PRSS3: variants seen among roughly 807,000 people sequenced by gnomAD.
PRSS3 encodes trypsin-3.
In PRSS3, 14 loss-of-function variants were observed where a neutral mutation model predicts 20.8. The ratio of observed to expected loss-of-function variants is 0.67; its 90% CI spans 0.44 to 1.05. PRSS3 has a LOEUF of 1.05. PRSS3 is among the 50% of genes least tolerant of loss of function. The pLI is 0.00. For missense variants in PRSS3, 237 were observed against 306.4 expected (o/e 0.77, Z 1.69); for synonymous variants, 91 against 117.6 (o/e 0.77, Z 1.46).
chr9:33,760,510 G>A (rs914496178), intron 1 of PRSS3, among the ~76,000 whole-genome samples: 1 of 152,076 alleles, frequency 6.6e-6, no homozygotes, highest in African/African-American at 2.4e-5. Context: ...ACTTTGGGAG[G>A]CCGACGCTGG....
At chr9:33,771,416 A>G (rs1437273474) in intron 1 of PRSS3, among the ~76,000 whole-genome samples, 1 of 148,620 alleles carries the variant, frequency 6.7e-6, no homozygotes, top group African/African-American at 2.5e-5. Context: ...ACCTCTGCCT[A>G]CTGGGTTCAA....
intron 1 of PRSS3, among the ~76,000 whole-genome samples, chr9:33,771,296 G>A (rs185397596): frequency 6.3e-4 from 95 of 151,834 alleles, no homozygotes; most frequent in African/African-American, 2.2e-3. Context: ...AGACTGGTGA[G>A]AGTGAGGGGT....
intron 1 of PRSS3, among the ~76,000 whole-genome samples, chr9:33,780,908 A>G (rs1037160241): frequency 6.6e-6 from 1 of 152,232 alleles, no homozygotes; most frequent in African/African-American, 2.4e-5. Context: ...GCCTATGAAA[A>G]GATTTAGACA....
chr9:33,789,047 C>T (rs1824523887), intron 1 of PRSS3, among the ~76,000 whole-genome samples: 1 of 152,132 alleles, frequency 6.6e-6, no homozygotes, highest in African/African-American at 2.4e-5. Flanking sequence ...AAGCATCTTA[C>T]TCCTTGTGTA....
chr9:33,768,301 G>A (rs1188366915), intron 1 of PRSS3, among the ~76,000 whole-genome samples: 1 of 151,812 alleles, frequency 6.6e-6, no homozygotes, highest in Non-Finnish European at 1.5e-5. Flanking sequence ...CCAACATGGT[G>A]AAACCCCGTC....
chr9:33,758,776 T>C (rs1476109728), intron 1 of PRSS3, among the ~76,000 whole-genome samples: 1 of 152,208 alleles, frequency 6.6e-6, no homozygotes, highest in Admixed American at 6.5e-5. Flanking sequence ...ATTTTACCAA[T>C]GGCTAGATTT....
intron 1 of PRSS3, chr9:33,786,814 C>A: frequency 1.3e-6 from 1 of 756,278 alleles, no homozygotes; most frequent in South Asian, 1.4e-5. Flanking sequence ...GCATATACCT[C>A]TGCAGCGTTG....
chr9:33,765,534 C>G (rs1823376129), intron 1 of PRSS3, among the ~76,000 whole-genome samples: 1 of 152,036 alleles, frequency 6.6e-6, no homozygotes, highest in Non-Finnish European at 1.5e-5. Flanking sequence ...CATTTTGGAG[C>G]CATTAGGTAA....
In PRSS3 at chr9:33,799,013, CCTT is replaced by C. The variant is rs763904486; in HGVS notation, c.592-9_592-7del. 3.6e-5 allele frequency: 58 copies of C among 1,613,618 alleles called. No homozygotes were observed. In the African/African-American group the frequency reaches 5.1e-4, roughly 14 times the overall value. ...CATCTCTCTCTTTATACAACTTGTC[CCTT>C]CTTCTCCCCAGCGTGACTCTGGTGG... On this transcript the variant is annotated splice_polypyrimidine_tract_variant and intron_variant, in intron 4 of 4. Coordinates refer to ENST00000379405, the MANE Select transcript of PRSS3 (RefSeq NM_002771.4).
intron 1 of PRSS3, among the ~76,000 whole-genome samples, chr9:33,778,829 G>T (rs1169814213): frequency 6.6e-6 from 1 of 152,096 alleles, no homozygotes; most frequent in East Asian, 1.9e-4. Context: ...CCTTGTGAGG[G>T]GGCCATCTCT....
chr9:33,799,066 C>T lies in PRSS3; in HGVS notation c.630C>T (p.Leu210=). Residue 210 remains leucine (L), a synonymous_variant, in exon 5 of 5, where the codon CTC becomes CTT. Transcript: ENST00000379405. ...SGGPVVCNGQ[L]QGVVSWGHGC... ...GCCCTGTGGTCTGCAACGGACAGCT[C>T]CAAGGAGTTGTCTCCTGGGGCCATG... 6.2e-7 allele frequency: 1 copy of T among 1,614,214 alleles called. No individual in the cohort carries two copies. Among genetic ancestry groups the T allele is most frequent in the East Asian group, 2.2e-5 (1 of 44,882 alleles).
chr9:33,759,322 CG>C (rs1823078201), intron 1 of PRSS3, among the ~76,000 whole-genome samples: 1 of 151,810 alleles, frequency 6.6e-6, no homozygotes, highest in African/African-American at 2.4e-5. Flanking sequence ...TGACTGGCTG[CG>C]GGGTGGAAGA....
At chr9:33,758,408 A>G (rs567777394) in intron 1 of PRSS3, among the ~76,000 whole-genome samples, 38 of 152,294 alleles carry the variant, frequency 2.5e-4, no homozygotes, top group African/African-American at 8.7e-4. Context: ...TAACTAAACT[A>G]CAGTGCAAAA....
intron 1 of PRSS3, among the ~76,000 whole-genome samples, chr9:33,759,185 G>T (rs1220920678): frequency 1.3e-5 from 2 of 152,106 alleles, no homozygotes; most frequent in Admixed American, 6.5e-5. Flanking sequence ...GGGAGGTGAC[G>T]CTGGAGAGGA....
intron 1 of PRSS3, among the ~76,000 whole-genome samples, chr9:33,766,524 G>A (rs1481419879): frequency 6.6e-6 from 1 of 152,058 alleles, no homozygotes; most frequent in Non-Finnish European, 1.5e-5. Context: ...AGTGAGCAGA[G>A]ATCGCACCAC....
chr9:33,766,756 G>C (rs1422478319), intron 1 of PRSS3, among the ~76,000 whole-genome samples: 2 of 152,022 alleles, frequency 1.3e-5, no homozygotes, highest in African/African-American at 4.8e-5. Context: ...ATTGCCAGGG[G>C]CTGGGGGTGC....
rs1318454524 is a variant in PRSS3, at chr9:33,773,789, T to A, written c.-52-20957T>A. On this transcript the variant is annotated intron_variant, in intron 1 of 5. Coordinates refer to the PRSS3 transcript ENST00000342836. ...CTCCCGAGTAGCTTGGACTACGGCGTGCCCTTCCATGCCCAGCTAATTTAT... is the reference window on the plus strand; with the variant it reads ...CTCCCGAGTAGCTTGGACTACGGCGAGCCCTTCCATGCCCAGCTAATTTAT... Among the ~76,000 whole-genome samples, 3 of 151,908 alleles carry A rather than the reference T, an allele frequency of 2.0e-5. No individual in the cohort carries two copies. In the East Asian group the frequency reaches 5.8e-4, roughly 29 times the overall value.
chr9:33,798,627 T>C lies in PRSS3; in HGVS notation c.591+5T>C. On this transcript the variant is annotated splice_donor_5th_base_variant and intron_variant, in intron 4 of 4. Transcript: ENST00000379405. Reference sequence around the variant, plus strand: ...GGAGGCAAGGATTCCTGCCAGGTGATTTGACCCTTTCCCATGCTGAGGCTC... The same window carrying C: ...GGAGGCAAGGATTCCTGCCAGGTGACTTGACCCTTTCCCATGCTGAGGCTC... 6.2e-7 allele frequency: 1 copy of C among 1,613,686 alleles called. No individual in the cohort carries two copies. Among genetic ancestry groups the C allele is most frequent in the Non-Finnish European group, 8.5e-7 (1 of 1,179,874 alleles).
At chr9:33,773,678 G>A (rs777316490) in intron 1 of PRSS3, among the ~76,000 whole-genome samples, 5 of 152,232 alleles carry the variant, frequency 3.3e-5, no homozygotes, top group Admixed American at 6.5e-5. Context: ...GTCACCCAGC[G>A]GTGGAGTGAC....
Sources: gnomAD v4.1 joint callset for allele counts (sites outside exome capture counted in the v4.1 genomes callset) on GRCh38, gnomAD v4.1.1 for gene constraint, MANE v1.5 for transcripts, NCBI Gene and HGNC (gene_info 2026-07-23, HGNC 2026-07-21) for gene names.